LDAH: variants seen among roughly 807,000 people sequenced by gnomAD.
LDAH encodes the protein lipid droplet associated hydrolase.
In LDAH, 26 loss-of-function variants were observed where a neutral mutation model predicts 29.6. That is an observed-to-expected ratio of 0.88 (90% CI 0.64 to 1.22). The LOEUF (loss-of-function observed/expected upper bound fraction) is 1.22, where lower values mean the gene tolerates loss of function less well. LDAH is among the 50% of genes most tolerant of loss of function. The pLI, the probability that LDAH is intolerant of heterozygous loss-of-function variation, is 0.00. For missense variants in LDAH, 344 were observed against 387.3 expected, an observed-to-expected ratio of 0.89 and a Z score of 0.94; for synonymous variants, 117 against 133.0, an observed-to-expected ratio of 0.88 and a Z score of 0.83.
At chr2:20,812,507 T>G (rs1336905762) in intron 1 of LDAH, among the ~76,000 whole-genome samples, 1 of 152,214 alleles carries the variant, frequency 6.6e-6, no homozygotes, top group Non-Finnish European at 1.5e-5. Context: ...AAAATCATCT[T>G]GTTTTAAAAA....
At chr2:20,781,716 T>C (rs1045067389) in intron 3 of LDAH, among the ~76,000 whole-genome samples, 1 of 152,230 alleles carries the variant, frequency 6.6e-6, no homozygotes, top group African/African-American at 2.4e-5. Context: ...CAAGCAATTC[T>C]AACTCTTTGT....
At chr2:20,795,830 T>A (rs1285535175) in intron 2 of LDAH, among the ~76,000 whole-genome samples, 1 of 152,120 alleles carries the variant, frequency 6.6e-6, no homozygotes, top group Non-Finnish European at 1.5e-5. Flanking sequence ...TGAAATGTTA[T>A]GTCAGTCTAT....
intron 6 of LDAH, among the ~76,000 whole-genome samples, chr2:20,691,891 A>G (rs1663059051): frequency 6.6e-6 from 1 of 152,182 alleles, no homozygotes; most frequent in African/African-American, 2.4e-5. Flanking sequence ...CTCTGGGCTT[A>G]TAGATGAACT....
At chr2:20,811,531 C>T (rs1437763898) in intron 1 of LDAH, among the ~76,000 whole-genome samples, 1 of 151,562 alleles carries the variant, frequency 6.6e-6, no homozygotes, top group African/African-American at 2.4e-5. Flanking sequence ...GTCGCCCAGG[C>T]TGGAGTGCAG....
At chr2:20,775,513 C>A (rs1177996650) in intron 3 of LDAH, among the ~76,000 whole-genome samples, 1 of 152,170 alleles carries the variant, frequency 6.6e-6, no homozygotes, top group Non-Finnish European at 1.5e-5. Flanking sequence ...TGAGAACCAG[C>A]TGCTTAGGCT....
At chr2:20,715,101 C>T (rs1387186246) in intron 5 of LDAH, among the ~76,000 whole-genome samples, 1 of 152,192 alleles carries the variant, frequency 6.6e-6, no homozygotes, top group Admixed American at 6.5e-5. Context: ...AGACCAATAT[C>T]GCTGATGAAC....
intron 6 of LDAH, among the ~76,000 whole-genome samples, chr2:20,700,495 C>A (rs1663847712): frequency 6.6e-6 from 1 of 151,954 alleles, no homozygotes; most frequent in African/African-American, 2.4e-5. Flanking sequence ...TCAAATGTAT[C>A]AAGGTTTATA....
In LDAH at chr2:20,686,874, G is replaced by A. The variant is rs775422142; in HGVS notation, c.*29C>T. On this transcript the variant is annotated 3_prime_UTR_variant, in exon 7 of 7. Transcript: ENST00000237822. ...AGTACACTGACTGCCTCCATGTACT[G>A]GCAGTGGGGGCTTGTTCCTCAGGCC... 2.5e-6 allele frequency: 4 copies of A among 1,591,688 alleles called. No homozygotes were observed. The African/African-American group carries it at 4.0e-5, about 16-fold the overall frequency.
chr2:20,700,163 G>A (rs534500382), intron 6 of LDAH, among the ~76,000 whole-genome samples: 151 of 152,320 alleles, frequency 9.9e-4, no homozygotes, highest in African/African-American at 3.5e-3. Flanking sequence ...TGTTTTTCTT[G>A]TATTTTCACA....
At chr2:20,739,313 T>C (rs1375148765) in intron 5 of LDAH, among the ~76,000 whole-genome samples, 1 of 152,180 alleles carries the variant, frequency 6.6e-6, no homozygotes, top group African/African-American at 2.4e-5. Flanking sequence ...CGGAGTATTG[T>C]TATCCCCACA....
At chr2:20,796,287 C>A (rs1671301629) in intron 2 of LDAH, among the ~76,000 whole-genome samples, 1 of 152,148 alleles carries the variant, frequency 6.6e-6, no homozygotes, top group Non-Finnish European at 1.5e-5. Flanking sequence ...CTTAATGCAA[C>A]ACAGTATTCC....
At chr2:20,699,367 A>T (rs1663744971) in intron 6 of LDAH, among the ~76,000 whole-genome samples, 1 of 152,170 alleles carries the variant, frequency 6.6e-6, no homozygotes, top group African/African-American at 2.4e-5. Context: ...ATCTTCCTAG[A>T]ACTATGTGCA....
chr2:20,722,843 G>A (rs1411605688), intron 5 of LDAH, among the ~76,000 whole-genome samples: 2 of 152,038 alleles, frequency 1.3e-5, no homozygotes, highest in Admixed American at 1.3e-4. Flanking sequence ...AAAAAATACA[G>A]ACAATACCAA....
rs762376499 is a variant in LDAH at position 20,801,371 on chromosome 2, C to T, written c.93G>A (p.Trp31Ter). 1.2e-6 allele frequency: 2 copies of T among 1,613,992 alleles called. No homozygotes were observed. The highest frequency in any genetic ancestry group is 1.3e-5 in the African/African-American group (1 of 74,912). Residue 31 changes from tryptophan to a stop codon, truncating the protein, a stop_gained, in exon 2 of 7, where the codon TGG becomes TGA. Coordinates refer to ENST00000237822, the MANE Select transcript of LDAH (RefSeq NM_021925.4). LOFTEE classifies it high-confidence loss of function. ...AETQVLKCGP[W>*]TDLFHDQSVK... ...CACTTTGATCATGAAAGAGGTCTGT[C>T]CAGGGCCCACATTTTAGAACCTGGG... is the stretch of plus-strand genomic sequence containing the variant.
At chr2:20,719,838 C>T (rs190369866) in intron 5 of LDAH, among the ~76,000 whole-genome samples, 26 of 152,198 alleles carry the variant, frequency 1.7e-4, no homozygotes, top group Admixed American at 1.4e-3. Flanking sequence ...AAACATGATA[C>T]ATCACATCAA....
At chr2:20,683,502 A>T (rs7419855), downstream of LDAH, among the ~76,000 whole-genome samples, 239 of 152,306 alleles carry the variant, frequency 1.6e-3, 2 homozygotes, top group African/African-American at 5.4e-3. Context: ...AGATGTCTCA[A>T]GCCATCTAAG....
intron 4 of LDAH, among the ~76,000 whole-genome samples, chr2:20,743,793 A>G (rs1240917545): frequency 6.7e-6 from 1 of 150,288 alleles, no homozygotes; most frequent in Non-Finnish European, 1.5e-5. Flanking sequence ...TGTTTGAAAT[A>G]TTTCTTGTTT....
intron 3 of LDAH, among the ~76,000 whole-genome samples, chr2:20,777,201 A>G (rs765650151): frequency 1.3e-5 from 2 of 152,198 alleles, no homozygotes; most frequent in Non-Finnish European, 2.9e-5. Context: ...CACTGACATC[A>G]TAAATAAGGT....
intron 3 of LDAH, among the ~76,000 whole-genome samples, chr2:20,789,788 G>A (rs1670819585): frequency 6.6e-6 from 1 of 152,114 alleles, no homozygotes; most frequent in South Asian, 2.1e-4. Context: ...ATTCTCATAG[G>A]AGTACCCTAC....
Sources: allele counts gnomAD v4.1 joint callset (sites outside exome capture counted in the v4.1 genomes callset), GRCh38; gene constraint gnomAD v4.1.1; transcripts MANE v1.5; gene names NCBI Gene and HGNC (gene_info 2026-07-23, HGNC 2026-07-21).